The following ZBTB20 variants were observed in gnomAD, a reference collection of about 807,000 sequenced individuals.
ZBTB20 encodes the protein zinc finger and BTB domain containing 20, also known as zinc finger and BTB domain-containing protein 20.
ZBTB20 carries 9 observed loss-of-function variants against 56.9 expected under a neutral mutation model. That is an observed-to-expected ratio of 0.16 (90% confidence interval 0.10 to 0.28). The LOEUF is 0.28. ZBTB20 is among the 10% of genes least tolerant of loss of function. The pLI, the probability that ZBTB20 is intolerant of heterozygous loss-of-function variation, is 1.00. For missense variants in ZBTB20, 655 were observed against 1,003.0 expected (o/e 0.65, Z 4.69); for synonymous variants, 417 against 420.7 (o/e 0.99, Z 0.11).
At chr3:114,676,732 G>A (rs938893955) in intron 6 of ZBTB20, among the ~76,000 whole-genome samples, 2 of 149,256 alleles carry the variant, frequency 1.3e-5, no homozygotes, top group African/African-American at 4.9e-5. Flanking sequence ...GTGCATTATG[G>A]CATTATCTCA....
At chr3:114,390,990 CG>C (rs2085820488) in intron 7 of ZBTB20, among the ~76,000 whole-genome samples, 3 of 104,888 alleles carry the variant, frequency 2.9e-5, no homozygotes, top group African/African-American at 1.4e-4. Context: ...TCAATTCTTC[CG>C]TTTTTTTTTT....
chr3:114,727,264 TA>T (rs2065377063), intron 5 of ZBTB20, among the ~76,000 whole-genome samples: 1 of 152,176 alleles, frequency 6.6e-6, no homozygotes, highest in Non-Finnish European at 1.5e-5. Flanking sequence ...GAATTCAAAA[TA>T]ACAGACCCAA....
At chr3:114,478,101 G>A (rs2041072819) in intron 7 of ZBTB20, among the ~76,000 whole-genome samples, 1 of 151,712 alleles carries the variant, frequency 6.6e-6, no homozygotes, top group African/African-American at 2.4e-5. Flanking sequence ...TGAGTAGCTG[G>A]GATTACAGGC....
intron 6 of ZBTB20, among the ~76,000 whole-genome samples, chr3:114,558,772 C>T (rs1011010528): frequency 2.0e-5 from 3 of 152,160 alleles, no homozygotes; most frequent in South Asian, 4.1e-4. Context: ...TCTCACTCTA[C>T]AGCCTATATA....
chr3:115,115,161 A>G (rs2083984787), intron 1 of ZBTB20, among the ~76,000 whole-genome samples: 1 of 152,140 alleles, frequency 6.6e-6, no homozygotes, highest in Non-Finnish European at 1.5e-5. Flanking sequence ...GATGTCCTAC[A>G]GCACTTGTGT....
At chr3:114,677,225 T>G (rs762641699) in intron 6 of ZBTB20, among the ~76,000 whole-genome samples, 4 of 152,180 alleles carry the variant, frequency 2.6e-5, no homozygotes, top group Non-Finnish European at 5.9e-5. Context: ...AGTAAATATA[T>G]TTGGTCTTGA....
chr3:114,591,047 T>G (rs2055709250), intron 6 of ZBTB20, among the ~76,000 whole-genome samples: 1 of 152,244 alleles, frequency 6.6e-6, no homozygotes, highest in Non-Finnish European at 1.5e-5. Context: ...CATCACTTGC[T>G]TAACAGCTAC....
intron 7 of ZBTB20, among the ~76,000 whole-genome samples, chr3:114,466,393 T>C (rs2092555324): frequency 1.3e-5 from 2 of 152,220 alleles, no homozygotes; most frequent in South Asian, 4.1e-4. Context: ...AGTTCCTATC[T>C]GTGATCCTGT....
At chr3:114,602,722 T>A (rs2056854694) in intron 6 of ZBTB20, among the ~76,000 whole-genome samples, 1 of 151,942 alleles carries the variant, frequency 6.6e-6, no homozygotes, top group African/African-American at 2.4e-5. Context: ...TAAGCACATA[T>A]TAACTGGTAT....
intron 6 of ZBTB20, among the ~76,000 whole-genome samples, chr3:114,591,460 TA>T (rs1560005094): frequency 1.3e-5 from 2 of 152,238 alleles, no homozygotes; most frequent in East Asian, 3.9e-4. Flanking sequence ...TAATGAAAAA[TA>T]TAAGACTTAT....
intron 7 of ZBTB20, among the ~76,000 whole-genome samples, chr3:114,496,300 A>G (rs1403112426): frequency 1.3e-5 from 2 of 152,092 alleles, no homozygotes; most frequent in African/African-American, 2.4e-5. Context: ...GTCTATTTCA[A>G]ACTCCTTCAC....
rs148379382 is a variant in ZBTB20 at position 114,483,403 on chromosome 3, A to AC, written c.-255+16948dup. ...TATAAGGAGAGTAAATAAGCAGCAC[A>AC]CCATTACCATCTGAGACAGCATGGC... On this transcript the variant is annotated intron_variant, in intron 7 of 11. Transcript: ENST00000675478. Among the ~76,000 whole-genome samples, 654 of 152,058 alleles carry AC rather than the reference A, an allele frequency of 4.3e-3. 5 individuals carry two copies. The highest frequency in any genetic ancestry group is 0.015 in the African/African-American group (620 of 41,470).
chr3:114,577,657 A>G (rs1292488392), intron 6 of ZBTB20, among the ~76,000 whole-genome samples: 2 of 152,190 alleles, frequency 1.3e-5, no homozygotes, highest in Non-Finnish European at 2.9e-5. Context: ...TCCATTTGAA[A>G]TGGTGGACCT....
chr3:114,796,055 G>C (rs1374830387), intron 5 of ZBTB20, among the ~76,000 whole-genome samples: 2 of 151,984 alleles, frequency 1.3e-5, no homozygotes, highest in African/African-American at 4.8e-5. Context: ...CCACAAGCTT[G>C]TTGGCTTATA....
intron 3 of ZBTB20, among the ~76,000 whole-genome samples, chr3:114,961,275 A>G (rs985234167): frequency 1.3e-5 from 2 of 152,062 alleles, no homozygotes; most frequent in Non-Finnish European, 2.9e-5. Context: ...AAAAGAACTT[A>G]GAACTATCCT....
At chr3:114,421,343 G>A (rs190676630) in intron 7 of ZBTB20, among the ~76,000 whole-genome samples, 18 of 152,200 alleles carry the variant, frequency 1.2e-4, no homozygotes, top group Admixed American at 9.2e-4. Flanking sequence ...GGGGAAGGAC[G>A]TCTTGATACA....
chr3:115,083,444 T>C (rs2082868212), intron 1 of ZBTB20, among the ~76,000 whole-genome samples: 1 of 152,022 alleles, frequency 6.6e-6, no homozygotes, highest in Admixed American at 6.6e-5. Flanking sequence ...CTGTATTCCA[T>C]AATGAAATTT....
chr3:114,936,580 A>G (rs1460137066), intron 3 of ZBTB20, among the ~76,000 whole-genome samples: 1 of 152,236 alleles, frequency 6.6e-6, no homozygotes, highest in Non-Finnish European at 1.5e-5. Flanking sequence ...AAGTTTTTTA[A>G]TGAATGGATA....
At chr3:115,066,086 A>G (rs911573104) in intron 2 of ZBTB20, among the ~76,000 whole-genome samples, 4 of 152,202 alleles carry the variant, frequency 2.6e-5, no homozygotes, top group Admixed American at 2.0e-4. Flanking sequence ...ATTCAGCTTC[A>G]GCATAACACA....
Sources: gnomAD v4.1 joint callset for allele counts (sites outside exome capture counted in the v4.1 genomes callset) on GRCh38, gnomAD v4.1.1 for gene constraint, MANE v1.5 for transcripts, NCBI Gene and HGNC (gene_info 2026-07-23, HGNC 2026-07-21) for gene names.